The following PPM1B variants were observed in gnomAD, a reference collection of about 807,000 sequenced individuals.
PPM1B encodes protein phosphatase, Mg2+/Mn2+ dependent 1B, also known as protein phosphatase 1B.
A neutral mutation model predicts 43.0 loss-of-function variants in PPM1B; 22 were observed. That is an observed-to-expected ratio of 0.51 (90% CI 0.37 to 0.73). PPM1B has a LOEUF of 0.73. PPM1B is among the 30% of genes least tolerant of loss of function. The pLI is 0.00. For synonymous variants in PPM1B, 217 were observed against 197.9 expected (o/e 1.10, Z -0.81); for missense variants, 632 against 584.2 (o/e 1.08, Z -0.84).
Position 44,230,596 on chromosome 2 carries a change from A to T in PPM1B, c.1318A>T (p.Asn440Tyr). ...ACCAGCTGCCACAGCTACTTCTTCG[A>T]ACAGTGATGCTGGAAACCCAGTGAC... is the stretch of plus-strand genomic sequence containing the variant. ...AEPAATATSS[N>Y]SDAGNPVTMQ... The change falls in exon 6 of 6, where the codon AAC becomes TAC. Residue 440 changes from asparagine to tyrosine, a missense_variant. By Grantham distance (143) the Asn-to-Tyr change is moderately radical. Transcript: ENST00000282412. 6.2e-7 allele frequency: 1 copy of T among 1,614,180 alleles called. No individual in the cohort carries two copies. Among genetic ancestry groups the T allele is most frequent in the South Asian group, 1.1e-5 (1 of 91,086 alleles).
chr2:44,194,672 G>A (rs1046537375), intron 1 of PPM1B, among the ~76,000 whole-genome samples: 6 of 151,662 alleles, frequency 4.0e-5, no homozygotes, highest in Non-Finnish European at 7.4e-5. Flanking sequence ...GCAGTGAGCC[G>A]AGATCGCGCT....
intron 1 of PPM1B, among the ~76,000 whole-genome samples, chr2:44,172,015 A>C (rs1376229264): frequency 1.3e-5 from 2 of 152,192 alleles, no homozygotes; most frequent in African/African-American, 4.8e-5. Context: ...CAATTCACTG[A>C]TTTTAGTAAA....
chr2:44,194,738 G>A (rs1002099538), intron 1 of PPM1B, among the ~76,000 whole-genome samples: 1 of 151,950 alleles, frequency 6.6e-6, no homozygotes, highest in Non-Finnish European at 1.5e-5. Context: ...AAAGAAGAAG[G>A]CTGAGCAGGC....
chr2:44,194,583 C>T (rs1383163239), intron 1 of PPM1B, among the ~76,000 whole-genome samples: 3 of 151,956 alleles, frequency 2.0e-5, no homozygotes, highest in South Asian at 2.1e-4. Context: ...ATTAGCCAGG[C>T]GTGGTGGCGG....
At chr2:44,212,010 A>G (rs925666158) in intron 3 of PPM1B, among the ~76,000 whole-genome samples, 55 of 152,238 alleles carry the variant, frequency 3.6e-4, no homozygotes, top group African/African-American at 1.3e-3. Context: ...TTGGCCTCCC[A>G]AAGTGCTGGG....
chr2:44,212,327 C>A (rs1222637659), intron 3 of PPM1B, among the ~76,000 whole-genome samples: 1 of 152,156 alleles, frequency 6.6e-6, no homozygotes, highest in Non-Finnish European at 1.5e-5. Context: ...CCCAACAAAT[C>A]TGTCACGGCT....
At chr2:44,209,657 G>A (rs1669363882) in intron 3 of PPM1B, among the ~76,000 whole-genome samples, 2 of 151,748 alleles carry the variant, frequency 1.3e-5, no homozygotes, top group Admixed American at 6.6e-5. Flanking sequence ...CACACCTGTA[G>A]TCCCAGCTAC....
intron 1 of PPM1B, among the ~76,000 whole-genome samples, chr2:44,178,209 C>T (rs1204838390): frequency 1.3e-5 from 2 of 151,938 alleles, no homozygotes; most frequent in Non-Finnish European, 2.9e-5. Context: ...CGTGAGCCAC[C>T]ACAGGCAGCT....
Position 44,201,766 on chromosome 2 carries a change from A to G in PPM1B, c.567A>G (p.Ile189Met). ...RIQNAGGSVM[I>M]QRVNGSLAVS... ...AAAATGCAGGAGGCAGCGTGATGAT[A>G]CAACGTGTTAATGGTTCATTAGCAG... The change falls in exon 2 of 6, where the codon ATA (isoleucine) becomes ATG (methionine). Residue 189 changes from isoleucine to methionine, a missense_variant. Coordinates refer to ENST00000282412, the MANE Select transcript of PPM1B (RefSeq NM_002706.6). This position sits in a 1 kb window ranked among gnomAD's most constrained non-coding sequence, Gnocchi z 5.4. 1 of 1,614,230 alleles carries G rather than the reference A, an allele frequency of 6.2e-7. No individual in the cohort carries two copies. The highest frequency in any genetic ancestry group is 8.5e-7 in the Non-Finnish European group (1 of 1,180,030).
Position 44,230,808 on chromosome 2 carries a change from G to T in PPM1B, c.*90G>T. On this transcript the variant is annotated 3_prime_UTR_variant, in exon 6 of 6. Coordinates refer to ENST00000282412, the MANE Select transcript of PPM1B (RefSeq NM_002706.6). ...CATTTATATAACTGTTTTGTTATTT[G>T]AATCTTGGAAAACTAGTTTTATTAT... 1 of 1,492,910 alleles carries T rather than the reference G, an allele frequency of 6.7e-7. No homozygotes were observed. The highest frequency in any genetic ancestry group is 2.4e-5 in the Admixed American group (1 of 41,764). The allele number at this position is 1,492,910 out of a possible 1,614,324, so 92.5% of individuals were successfully genotyped here.
At chr2:44,227,789 C>G (rs191566894) in intron 5 of PPM1B, among the ~76,000 whole-genome samples, 1 of 151,552 alleles carries the variant, frequency 6.6e-6, no homozygotes, top group African/African-American at 2.4e-5. Context: ...CAAAGTGCTG[C>G]GATTACAGGC....
At chr2:44,226,511 C>T (rs1485759084) in intron 5 of PPM1B, among the ~76,000 whole-genome samples, 1 of 152,092 alleles carries the variant, frequency 6.6e-6, no homozygotes, top group Non-Finnish European at 1.5e-5. Flanking sequence ...GATTCTCAAC[C>T]CTGGCTGTAT....
Position 44,231,408 on chromosome 2 carries a change from C to G in PPM1B, c.*690C>G. 1 of 974,288 alleles carries G rather than the reference C, an allele frequency of 1.0e-6. No homozygotes were observed. Among genetic ancestry groups the G allele is most frequent in the Non-Finnish European group, 1.2e-6 (1 of 819,958 alleles). 60.4% of individuals were successfully genotyped at this position (974,288 alleles called of 1,614,324 possible). A position where few individuals can be genotyped will look rare whatever the true frequency, so the allele number is the denominator to read the frequency against. The stretch of plus-strand genomic sequence containing the variant: ...TACACACATCAAAATGTATGTCAAC[C>G]AAGTGTTTAGAATGAAATTATAAGT... On this transcript the variant is annotated 3_prime_UTR_variant, in exon 6 of 6. Coordinates refer to ENST00000282412, the MANE Select transcript of PPM1B (RefSeq NM_002706.6).
intron 2 of PPM1B, among the ~76,000 whole-genome samples, chr2:44,208,302 G>A (rs986424895): frequency 3.9e-5 from 6 of 152,176 alleles, no homozygotes; most frequent in East Asian, 1.9e-4. Context: ...AACTACTTGC[G>A]ACTATATAGC....
chr2:44,222,634 G>A (rs1670025886), intron 5 of PPM1B, among the ~76,000 whole-genome samples: 2 of 152,076 alleles, frequency 1.3e-5, no homozygotes, highest in African/African-American at 4.8e-5. Context: ...ACAGAGATGA[G>A]GTAGTTTGCA....
intron 1 of PPM1B, among the ~76,000 whole-genome samples, chr2:44,194,922 G>A (rs1485694168): frequency 1.5e-5 from 2 of 134,824 alleles, no homozygotes; most frequent in African/African-American, 2.8e-5. Context: ...TTTTTGAGAC[G>A]GAATCTTACT....
chr2:44,234,981 C>T (rs138065290), downstream of PPM1B, among the ~76,000 whole-genome samples: 1 of 152,118 alleles, frequency 6.6e-6, no homozygotes, highest in Non-Finnish European at 1.5e-5. Flanking sequence ...TGGTATGGCC[C>T]GATGGTTGAA....
chr2:44,233,833 T>G, downstream of PPM1B: 1 of 985,750 alleles, frequency 1.0e-6, no homozygotes, highest in East Asian at 1.1e-4. Flanking sequence ...TTTAGCCTTG[T>G]AAGTTAAAGT....
At chr2:44,239,863 C>A (rs1056920847) in intron 5 of PPM1B, among the ~76,000 whole-genome samples, 1 of 150,746 alleles carries the variant, frequency 6.6e-6, no homozygotes, top group African/African-American at 2.4e-5. Context: ...TTTCTAGTTT[C>A]TTCTGCTCTA....
Sources: gnomAD v4.1 joint callset for allele counts (sites outside exome capture counted in the v4.1 genomes callset) on GRCh38, gnomAD v4.1.1 for gene constraint, Gnocchi (gnomAD v3.1) non-coding constraint, MANE v1.5 for transcripts, NCBI Gene and HGNC (gene_info 2026-07-23, HGNC 2026-07-21) for gene names.